The following CLSTN2 variants were observed in gnomAD, a reference collection of about 807,000 sequenced individuals.
The protein encoded by CLSTN2 is calsyntenin-2.
In CLSTN2, 48 loss-of-function variants were observed where a neutral mutation model predicts 101.2. The ratio of observed to expected loss-of-function variants is 0.47; its 90% CI spans 0.38 to 0.60. The LOEUF (loss-of-function observed/expected upper bound fraction) is 0.60, where lower values mean the gene tolerates loss of function less well. Ranked by LOEUF, CLSTN2 falls within the 20% of genes least tolerant of loss-of-function variation. The pLI, the probability that CLSTN2 is intolerant of heterozygous loss-of-function variation, is 0.00. For synonymous variants in CLSTN2, 481 were observed against 463.6 expected, an observed-to-expected ratio of 1.04 and a Z score of -0.48; for missense variants, 1,160 against 1,238.2, an observed-to-expected ratio of 0.94 and a Z score of 0.95.
chr3:140,018,057 T>C (rs1052937833), intron 1 of CLSTN2, among the ~76,000 whole-genome samples: 1 of 152,218 alleles, frequency 6.6e-6, no homozygotes, highest in Non-Finnish European at 1.5e-5. Context: ...TTTGTTCTTT[T>C]GAGTCTGAGA....
chr3:139,994,283 A>G (rs1474702410), intron 1 of CLSTN2, among the ~76,000 whole-genome samples: 3 of 152,176 alleles, frequency 2.0e-5, no homozygotes, highest in African/African-American at 7.2e-5. Flanking sequence ...CACATTTTTG[A>G]GTAGCACTTG....
At chr3:140,459,818 C>T in intron 7 of CLSTN2, 49 bp downstream of exon 7, 1 of 1,603,554 alleles carries the variant, frequency 6.2e-7, no homozygotes, top group Non-Finnish European at 8.5e-7. Context: ...AGCAGCTGCC[C>T]ATTTTGTCAC....
chr3:140,437,462 A>G (rs1344438295), intron 5 of CLSTN2, among the ~76,000 whole-genome samples: 1 of 152,192 alleles, frequency 6.6e-6, no homozygotes, highest in Admixed American at 6.5e-5. Context: ...TATTATAATA[A>G]CAGTATGTCA....
chr3:140,011,556 G>A (rs2007073702), intron 1 of CLSTN2, among the ~76,000 whole-genome samples: 1 of 152,134 alleles, frequency 6.6e-6, no homozygotes, highest in Non-Finnish European at 1.5e-5. Context: ...TTTAAAATGA[G>A]AGAATACACA....
chr3:139,957,792 C>T (rs894920479), intron 1 of CLSTN2, among the ~76,000 whole-genome samples: 2 of 152,164 alleles, frequency 1.3e-5, no homozygotes, highest in African/African-American at 2.4e-5. Context: ...TAAGACCAGC[C>T]TGTTTGCCAC....
At chr3:140,076,729 C>G (rs1292262122) in intron 1 of CLSTN2, among the ~76,000 whole-genome samples, 1 of 142,248 alleles carries the variant, frequency 7.0e-6, no homozygotes. Flanking sequence ...CCTAGGAACT[C>G]TACAGCAGTG....
intron 4 of CLSTN2, among the ~76,000 whole-genome samples, chr3:140,407,424 C>G (rs2088315882): frequency 6.6e-6 from 1 of 152,052 alleles, no homozygotes; most frequent in Non-Finnish European, 1.5e-5. Flanking sequence ...AGAGACTCAC[C>G]CTCTTCCTAC....
chr3:140,574,450 G>A lies in CLSTN2; in HGVS notation c.*8197G>A, dbSNP rs892018825. ...ATGGGCAGCATCCCAACTGAGGAGA[G>A]AAAACCCTAATTTGTTAATGACCCA... is the stretch of plus-strand genomic sequence containing the variant. On this transcript the variant is annotated 3_prime_UTR_variant, in exon 17 of 17. Coordinates refer to ENST00000458420, the MANE Select transcript of CLSTN2 (RefSeq NM_022131.3). 1.3e-5 allele frequency: 2 copies of A among 152,208 alleles called. No individual in the cohort carries two copies. Among genetic ancestry groups the A allele is most frequent in the African/African-American group, 4.8e-5 (2 of 41,448 alleles). The allele number at this position is 152,208 out of a possible 1,614,324, so 9.4% of individuals were successfully genotyped here. A position where few individuals can be genotyped will look rare whatever the true frequency, so the allele number is the denominator to read the frequency against.
chr3:140,259,464 A>C (rs962455253), intron 2 of CLSTN2, among the ~76,000 whole-genome samples: 1 of 151,982 alleles, frequency 6.6e-6, no homozygotes, highest in Non-Finnish European at 1.5e-5. Flanking sequence ...ACAGAGTGAG[A>C]CTCCATCTCC....
At chr3:140,556,829 T>C in intron 11 of CLSTN2, 168 bp downstream of exon 11, 1 of 627,726 alleles carries the variant, frequency 1.6e-6, no homozygotes, top group South Asian at 2.0e-5. Context: ...GTTCTTGTTT[T>C]CTTCCTAAGC....
chr3:139,944,598 AG>A (rs944768654), intron 1 of CLSTN2, among the ~76,000 whole-genome samples: 1 of 152,160 alleles, frequency 6.6e-6, no homozygotes, highest in African/African-American at 2.4e-5. Flanking sequence ...GAGCCCTTGG[AG>A]GGGGAAGTGC....
At chr3:140,521,164 C>T (rs545876956) in intron 8 of CLSTN2, among the ~76,000 whole-genome samples, 4 of 134,122 alleles carry the variant, frequency 3.0e-5, no homozygotes, top group African/African-American at 2.9e-5. Flanking sequence ...CAACTCAGTT[C>T]GGTGCCCTTG....
At chr3:140,455,954 C>A (rs538279250) in intron 6 of CLSTN2, among the ~76,000 whole-genome samples, 1 of 152,308 alleles carries the variant, frequency 6.6e-6, no homozygotes, top group African/African-American at 2.4e-5. Context: ...GACAAAAGAG[C>A]CCCACCTTAT....
chr3:140,304,742 C>T (rs1431087247), intron 2 of CLSTN2, among the ~76,000 whole-genome samples: 6 of 152,224 alleles, frequency 3.9e-5, no homozygotes, highest in South Asian at 2.1e-4. Flanking sequence ...ATTGAATCAG[C>T]GCAAAGGGTT....
intron 5 of CLSTN2, among the ~76,000 whole-genome samples, chr3:140,430,621 C>T (rs6788706): frequency 0.16 from 23,764 of 151,960 alleles, 2,384 homozygotes; most frequent in South Asian, 0.32. Flanking sequence ...GAAAAAGTTT[C>T]GTGACCCCTG....
chr3:140,208,344 C>A (rs73226976), intron 2 of CLSTN2, among the ~76,000 whole-genome samples: 7,830 of 152,250 alleles, frequency 0.051, 295 homozygotes, highest in Non-Finnish European at 0.083. Flanking sequence ...TATTAATCCT[C>A]AATAAATTTA....
chr3:140,363,945 C>G (rs13074118), intron 2 of CLSTN2, among the ~76,000 whole-genome samples: 37,928 of 152,068 alleles, frequency 0.25, 5,529 homozygotes, highest in East Asian at 0.62. Flanking sequence ...TTCTCTCATT[C>G]GCAAACCAAG....
chr3:140,535,585 T>C (rs1935342622), intron 9 of CLSTN2, among the ~76,000 whole-genome samples: 1 of 152,252 alleles, frequency 6.6e-6, no homozygotes, highest in African/African-American at 2.4e-5. Context: ...GAGTTAGGTG[T>C]GGTCATGGGA....
chr3:140,343,503 A>T (rs2087511552), intron 2 of CLSTN2, among the ~76,000 whole-genome samples: 5 of 152,224 alleles, frequency 3.3e-5, no homozygotes, highest in Non-Finnish European at 7.3e-5. Flanking sequence ...AGACCATCTT[A>T]AAGAGTCAAC....
Sources: allele counts gnomAD v4.1 joint callset (sites outside exome capture counted in the v4.1 genomes callset), GRCh38; gene constraint gnomAD v4.1.1; transcripts MANE v1.5; gene names NCBI Gene and HGNC (gene_info 2026-07-23, HGNC 2026-07-21).